CCSER1: variants seen among roughly 807,000 people sequenced by gnomAD.
CCSER1 encodes the protein coiled-coil serine rich protein 1.
CCSER1 carries 41 observed loss-of-function variants against 82.0 expected under a neutral mutation model. The observed-to-expected ratio is 0.50, with a 90% CI of 0.39 to 0.65. The LOEUF is 0.65. CCSER1 is among the 30% of genes least tolerant of loss of function. The pLI, the probability that CCSER1 is intolerant of heterozygous loss-of-function variation, is 0.00. For missense variants in CCSER1, 1,119 were observed against 1,064.2 expected, an observed-to-expected ratio of 1.05 and a Z score of -0.72; for synonymous variants, 414 against 383.9, an observed-to-expected ratio of 1.08 and a Z score of -0.92.
intron 10 of CCSER1, among the ~76,000 whole-genome samples, chr4:91,111,339 G>T (rs1315325812): frequency 3.9e-5 from 6 of 151,928 alleles, no homozygotes; most frequent in Non-Finnish European, 8.8e-5. Context: ...ATTGCCTGAA[G>T]TTATGTAATG....
At chr4:90,570,648 G>A (rs1266033517) in intron 5 of CCSER1, among the ~76,000 whole-genome samples, 1 of 152,102 alleles carries the variant, frequency 6.6e-6, no homozygotes, top group African/African-American at 2.4e-5. Context: ...GGAAATGGGT[G>A]CAGCACCAGC....
chr4:91,362,377 A>G (rs4128703), intron 10 of CCSER1, among the ~76,000 whole-genome samples: 36,460 of 151,636 alleles, frequency 0.24, 5,397 homozygotes, highest in Middle Eastern at 0.43. Flanking sequence ...TTACCCTTCT[A>G]TTCCTTGCTC....
At chr4:90,303,410 G>C (rs987082143) in intron 1 of CCSER1, among the ~76,000 whole-genome samples, 5 of 152,116 alleles carry the variant, frequency 3.3e-5, no homozygotes, top group South Asian at 2.1e-4. Context: ...ATACTACAAG[G>C]CTACAGTAAC....
At chr4:90,544,542 C>T (rs1199293207) in intron 5 of CCSER1, among the ~76,000 whole-genome samples, 6 of 152,080 alleles carry the variant, frequency 3.9e-5, no homozygotes, top group African/African-American at 1.2e-4. Flanking sequence ...ACCCCAGAAG[C>T]TCATCAAAGC....
At chr4:90,555,333 C>A (rs764448392) in intron 5 of CCSER1, among the ~76,000 whole-genome samples, 1 of 151,938 alleles carries the variant, frequency 6.6e-6, no homozygotes, top group East Asian at 1.9e-4. Flanking sequence ...TTTTGGCAAA[C>A]GGTAACTTAC....
intron 8 of CCSER1, among the ~76,000 whole-genome samples, chr4:90,894,430 T>C (rs935078019): frequency 2.0e-5 from 3 of 152,044 alleles, no homozygotes; most frequent in African/African-American, 7.2e-5. Context: ...GTGTTGAAAA[T>C]GCCGAGGCAA....
At chr4:90,205,609 T>C (rs1007737149) in intron 1 of CCSER1, among the ~76,000 whole-genome samples, 1 of 152,214 alleles carries the variant, frequency 6.6e-6, no homozygotes, top group African/African-American at 2.4e-5. Context: ...CAATATTTTA[T>C]TGAGGATTTT....
chr4:91,442,061 G>C (rs1355885805), intron 10 of CCSER1, among the ~76,000 whole-genome samples: 1 of 152,090 alleles, frequency 6.6e-6, no homozygotes, highest in Admixed American at 6.5e-5. Flanking sequence ...GTAATTTATA[G>C]ATTCAATGCC....
chr4:91,049,963 A>G (rs894076773), intron 9 of CCSER1, among the ~76,000 whole-genome samples: 3 of 152,222 alleles, frequency 2.0e-5, no homozygotes, highest in Non-Finnish European at 4.4e-5. Flanking sequence ...CCTAATCAGA[A>G]TAGTTACTTC....
chr4:90,437,223 A>G (rs1560515903), intron 4 of CCSER1, among the ~76,000 whole-genome samples: 2 of 152,258 alleles, frequency 1.3e-5, no homozygotes, highest in Non-Finnish European at 1.5e-5. Context: ...TTAATTTATA[A>G]TTAAAACACA....
intron 5 of CCSER1, among the ~76,000 whole-genome samples, chr4:90,515,634 G>C (rs886170460): frequency 6.6e-6 from 1 of 152,024 alleles, no homozygotes; most frequent in East Asian, 1.9e-4. Context: ...CTTATTCTAG[G>C]CCTGTAAATC....
At chr4:90,246,882 T>G (rs1721498701) in intron 1 of CCSER1, among the ~76,000 whole-genome samples, 1 of 152,140 alleles carries the variant, frequency 6.6e-6, no homozygotes, top group Non-Finnish European at 1.5e-5. Context: ...TCTTTCTTTA[T>G]TAGGTTGAGA....
At chr4:90,486,011 C>A (rs1005948779) in intron 5 of CCSER1, among the ~76,000 whole-genome samples, 1 of 152,096 alleles carries the variant, frequency 6.6e-6, no homozygotes, top group African/African-American at 2.4e-5. Flanking sequence ...CTGCAAATTT[C>A]TTTTACCTTA....
chr4:90,747,738 G>A (rs1042005841), intron 7 of CCSER1, among the ~76,000 whole-genome samples: 2 of 151,054 alleles, frequency 1.3e-5, no homozygotes, highest in African/African-American at 2.4e-5. Context: ...TGACATGCTG[G>A]TGCGCTGCAC....
At chr4:90,481,063 G>A (rs939448872) in intron 5 of CCSER1, among the ~76,000 whole-genome samples, 3 of 152,110 alleles carry the variant, frequency 2.0e-5, no homozygotes, top group Admixed American at 6.6e-5. Context: ...TTGAGCAGTG[G>A]TTTGAAGTTC....
intron 3 of CCSER1, among the ~76,000 whole-genome samples, chr4:90,336,987 G>C (rs112821229): frequency 2.0e-5 from 3 of 152,216 alleles, no homozygotes; most frequent in African/African-American, 7.2e-5. Context: ...ATTACAAACT[G>C]CAAGACAAGG....
At chr4:90,590,842 A>G (rs199637253) in intron 5 of CCSER1, among the ~76,000 whole-genome samples, 1 of 152,172 alleles carries the variant, frequency 6.6e-6, no homozygotes, top group East Asian at 1.9e-4. Flanking sequence ...AATAAAGTCA[A>G]TGGTAGCTTG....
intron 10 of CCSER1, among the ~76,000 whole-genome samples, chr4:91,567,078 G>T (rs1560768845): frequency 6.6e-6 from 1 of 151,936 alleles, no homozygotes; most frequent in African/African-American, 2.4e-5. Flanking sequence ...CTGGTATATT[G>T]TATATTTGTT....
In CCSER1 at chr4:90,555,475, C is replaced by A. The variant is rs74834528; in HGVS notation, c.1725-72550C>A. Among the ~76,000 whole-genome samples the A allele has an allele frequency of 4.2e-4, 64 of 152,140 alleles. No individual in the cohort carries two copies. In the East Asian group the frequency reaches 0.012, roughly 28 times the overall value. ...GAGAATGTAAAGTTCATTATTTTGACCAGCAGTTTTTGCTATTTGTGATTA... is the reference window on the plus strand; with the variant it reads ...GAGAATGTAAAGTTCATTATTTTGAACAGCAGTTTTTGCTATTTGTGATTA... On this transcript the variant is annotated intron_variant, in intron 5 of 10. Transcript: ENST00000509176.
Sources: gnomAD v4.1 joint callset for allele counts (sites outside exome capture counted in the v4.1 genomes callset) on GRCh38, gnomAD v4.1.1 for gene constraint, MANE v1.5 for transcripts, NCBI Gene and HGNC (gene_info 2026-07-23, HGNC 2026-07-21) for gene names.